CHODL: variants seen among roughly 807,000 people sequenced by gnomAD.
CHODL encodes the protein chondrolectin, also known as transmembrane protein MT75.
In CHODL, 29 loss-of-function variants were observed where a neutral mutation model predicts 34.5. The observed-to-expected ratio is 0.84, with a 90% CI of 0.63 to 1.15. The LOEUF (loss-of-function observed/expected upper bound fraction) is 1.15. CHODL is among the 50% of genes most tolerant of loss of function. The pLI, the probability that CHODL is intolerant of heterozygous loss-of-function variation, is 0.00. For missense variants in CHODL, 332 were observed against 332.5 expected, an observed-to-expected ratio of 1.00 and a Z score of 0.01; for synonymous variants, 125 against 116.1, an observed-to-expected ratio of 1.08 and a Z score of -0.49.
intron 2 of CHODL, among the ~76,000 whole-genome samples, chr21:18,091,754 C>A (rs566872476): frequency 6.6e-6 from 1 of 152,188 alleles, no homozygotes; most frequent in African/African-American, 2.4e-5. Context: ...GCAGCATTCA[C>A]CACAAGCTGA....
At chr21:18,106,955 T>C (rs1419538922) in intron 2 of CHODL, among the ~76,000 whole-genome samples, 3 of 152,160 alleles carry the variant, frequency 2.0e-5, no homozygotes, top group African/African-American at 7.2e-5. Flanking sequence ...GGAAAGAGTA[T>C]GCTTGAAAAC....
intron 2 of CHODL, among the ~76,000 whole-genome samples, chr21:18,063,372 T>A (rs1241952613): frequency 6.6e-5 from 10 of 152,326 alleles, no homozygotes; most frequent in Admixed American, 6.5e-4. Flanking sequence ...ACTGCCACAC[T>A]TTAGTGACTT....
intron 1 of CHODL, among the ~76,000 whole-genome samples, chr21:17,920,185 A>G (rs2063172932): frequency 6.6e-6 from 1 of 152,230 alleles, no homozygotes; most frequent in Non-Finnish European, 1.5e-5. Context: ...ATTTTCGGGT[A>G]TCTTTTCAGC....
intron 1 of CHODL, among the ~76,000 whole-genome samples, chr21:17,954,889 A>T (rs2638084): frequency 0.58 from 70,833 of 122,138 alleles, 25,225 homozygotes; most frequent in East Asian, 0.88. Context: ...TTTAAATTAA[A>T]TCATATATTT....
At chr21:17,927,514 G>C (rs1276774675) in intron 1 of CHODL, among the ~76,000 whole-genome samples, 1 of 152,242 alleles carries the variant, frequency 6.6e-6, no homozygotes, top group East Asian at 1.9e-4. Context: ...TAGAGGACAG[G>C]AGAAGGCTGG....
At chr21:18,193,270 T>G (rs2073533124) in intron 2 of CHODL, among the ~76,000 whole-genome samples, 1 of 152,218 alleles carries the variant, frequency 6.6e-6, no homozygotes, top group African/African-American at 2.4e-5. Context: ...ACTATATTTA[T>G]GTAGGGGTTC....
intron 2 of CHODL, among the ~76,000 whole-genome samples, chr21:18,032,828 C>T (rs1007334515): frequency 6.6e-6 from 1 of 151,952 alleles, no homozygotes; most frequent in African/African-American, 2.4e-5. Flanking sequence ...CTGATAGAAC[C>T]TGGAAAGCAG....
chr21:18,163,300 G>A (rs2073117851), intron 2 of CHODL, among the ~76,000 whole-genome samples: 1 of 152,202 alleles, frequency 6.6e-6, no homozygotes, highest in Non-Finnish European at 1.5e-5. Flanking sequence ...TTGCTTCTTA[G>A]AATATTAGTT....
chr21:18,145,902 T>G (rs1483291880), intron 2 of CHODL, among the ~76,000 whole-genome samples: 1 of 152,210 alleles, frequency 6.6e-6, no homozygotes, highest in South Asian at 2.1e-4. Flanking sequence ...GGAGTTAAAT[T>G]GTGCACATCA....
chr21:18,058,112 C>T (rs1386968531), intron 2 of CHODL, among the ~76,000 whole-genome samples: 2 of 152,088 alleles, frequency 1.3e-5, no homozygotes, highest in Non-Finnish European at 2.9e-5. Context: ...TACCCAACTT[C>T]TCATTTTCCT....
upstream of CHODL, among the ~76,000 whole-genome samples, chr21:18,244,410 G>T (rs548899704): frequency 6.6e-6 from 1 of 152,318 alleles, no homozygotes; most frequent in African/African-American, 2.4e-5. Flanking sequence ...CACTGAGCAG[G>T]TTTTGGCTCT....
At chr21:18,185,012 GTTTTAT>G (rs2073424273) in intron 2 of CHODL, among the ~76,000 whole-genome samples, 1 of 151,758 alleles carries the variant, frequency 6.6e-6, no homozygotes, top group African/African-American at 2.4e-5. Flanking sequence ...CTCTTTTTTT[GTTTTAT>G]TTTTATTTTT....
At chr21:18,224,850 A>G (rs1300964203) in intron 2 of CHODL, among the ~76,000 whole-genome samples, 1 of 151,882 alleles carries the variant, frequency 6.6e-6, no homozygotes, top group Non-Finnish European at 1.5e-5. Flanking sequence ...TATAAGAAAT[A>G]TTTGTTCTGT....
Position 18,006,351 on chromosome 21 carries a change from TAAAAGAAAAAAAA to T in CHODL, c.-144-21506_-144-21494del, listed in dbSNP as rs1262850749. Among the ~76,000 whole-genome samples the T allele has an allele frequency of 8.9e-5, 12 of 134,152 alleles. No individual in the cohort carries two copies. The South Asian group carries it at 1.6e-3, about 18-fold the overall frequency. The allele number at this position is 134,152 out of a possible 152,430, so 88.0% of individuals were successfully genotyped here. A position where few individuals can be genotyped will look rare whatever the true frequency, so the allele number is the denominator to read the frequency against. On this transcript the variant is annotated intron_variant, in intron 1 of 6. Coordinates refer to the CHODL transcript ENST00000400127. ...ACCTGCACATGCCTGGAACTTAAAATAAAAGAAAAAAAAAAAAGAAAAAAAAATGTAGCTCCTT... is the reference window on the plus strand; with the variant it reads ...ACCTGCACATGCCTGGAACTTAAAATAAAAGAAAAAAAAATGTAGCTCCTT...
intron 2 of CHODL, among the ~76,000 whole-genome samples, chr21:18,122,778 C>G (rs1057257660): frequency 6.6e-6 from 1 of 152,222 alleles, no homozygotes; most frequent in Non-Finnish European, 1.5e-5. Flanking sequence ...ATCCTGTAAT[C>G]TTGAACAGTG....
intron 1 of CHODL, among the ~76,000 whole-genome samples, chr21:17,972,376 T>C (rs917424248): frequency 1.3e-5 from 2 of 152,206 alleles, no homozygotes; most frequent in East Asian, 3.8e-4. Context: ...ATGACATGAT[T>C]GTATATTTAG....
At chr21:18,033,442 A>G (rs1290054547) in intron 2 of CHODL, among the ~76,000 whole-genome samples, 2 of 152,194 alleles carry the variant, frequency 1.3e-5, no homozygotes, top group East Asian at 3.9e-4. Context: ...TTCAGGTGGT[A>G]TCAGAAACTG....
At chr21:18,139,184 T>C (rs1295694767) in intron 2 of CHODL, among the ~76,000 whole-genome samples, 1 of 151,966 alleles carries the variant, frequency 6.6e-6, no homozygotes, top group East Asian at 1.9e-4. Context: ...ATAAGCACAG[T>C]TGAATCTCAC....
At chr21:18,099,433 G>T (rs1260738662) in intron 2 of CHODL, among the ~76,000 whole-genome samples, 1 of 151,242 alleles carries the variant, frequency 6.6e-6, no homozygotes, top group Non-Finnish European at 1.5e-5. Context: ...TATAAATCTT[G>T]TAACTAAAAA....
Sources: gnomAD v4.1 joint callset for allele counts (sites outside exome capture counted in the v4.1 genomes callset) on GRCh38, gnomAD v4.1.1 for gene constraint, MANE v1.5 for transcripts, NCBI Gene and HGNC (gene_info 2026-07-23, HGNC 2026-07-21) for gene names.